Variants in HIBADH observed in about 807,000 individuals in gnomAD.
HIBADH encodes 3-hydroxyisobutyrate dehydrogenase, also known as 3-hydroxyisobutyrate dehydrogenase, mitochondrial.
Under a neutral mutation model 36.1 loss-of-function variants are expected in HIBADH, and 25 were observed. That is an observed-to-expected ratio of 0.69 (90% CI 0.50 to 0.97). The LOEUF is 0.97. HIBADH is among the 50% of genes least tolerant of loss of function. The pLI is 0.00. For missense variants in HIBADH, 421 were observed against 418.0 expected (o/e 1.01, Z -0.06); for synonymous variants, 160 against 149.5 (o/e 1.07, Z -0.51).
At chr7:27,607,310 C>A (rs1785246197) in intron 4 of HIBADH, among the ~76,000 whole-genome samples, 1 of 152,112 alleles carries the variant, frequency 6.6e-6, no homozygotes. Flanking sequence ...GAGTTCGAGG[C>A]CAGCCTGGCC....
chr7:27,535,820 T>C (rs1422099874), intron 6 of HIBADH, among the ~76,000 whole-genome samples: 4 of 152,044 alleles, frequency 2.6e-5, no homozygotes, highest in Admixed American at 1.3e-4. Context: ...TAAAAGAGCA[T>C]AGGGTCAATA....
Position 27,658,720 on chromosome 7 carries a change from T to C in HIBADH, c.91+3978A>G, listed in dbSNP as rs533514039. ...TTGCATGGACTTTCAGTCTTTTGAC[T>C]GCATTTTTCATTATATCATAAGGTT... is the stretch of plus-strand genomic sequence containing the variant. On this transcript the variant is annotated intron_variant, in intron 1 of 7. Transcript: ENST00000265395. 1.1e-3 allele frequency among the ~76,000 whole-genome samples: 161 copies of C among 152,348 alleles called. No individual in the cohort carries two copies. In the South Asian group the frequency reaches 0.014, roughly 14 times the overall value.
At chr7:27,628,894 C>A (rs1369815969) in intron 4 of HIBADH, among the ~76,000 whole-genome samples, 1 of 152,050 alleles carries the variant, frequency 6.6e-6, no homozygotes, top group Non-Finnish European at 1.5e-5. Flanking sequence ...AGTATTTCCT[C>A]TTTTCCTGTT....
At chr7:27,535,259 C>A (rs1784057181) in intron 6 of HIBADH, among the ~76,000 whole-genome samples, 1 of 151,764 alleles carries the variant, frequency 6.6e-6, no homozygotes, top group African/African-American at 2.4e-5. Context: ...TGGCCATTTA[C>A]AAATTACAAA....
intron 4 of HIBADH, among the ~76,000 whole-genome samples, chr7:27,563,975 T>G (rs578170252): frequency 6.7e-6 from 1 of 149,386 alleles, no homozygotes; most frequent in South Asian, 2.1e-4. Flanking sequence ...CTCGGCTCAC[T>G]GTAAGCTCTG....
chr7:27,612,418 C>T (rs1045429809), intron 4 of HIBADH, among the ~76,000 whole-genome samples: 7 of 151,534 alleles, frequency 4.6e-5, no homozygotes, highest in African/African-American at 1.2e-4. Context: ...CTCTGCCTCC[C>T]GGGTTCAAAC....
rs73075129 is a variant in HIBADH, at chr7:27,648,900, T to A, written c.252+573A>T. Among the ~76,000 whole-genome samples the A allele has an allele frequency of 8.8e-3, 1,342 of 152,288 alleles. 10 individuals carry two copies. The highest frequency in any genetic ancestry group is 0.024 in the South Asian group (114 of 4,826). ...CTGGTTTATGGCCAATAACTAATAATTATTCACAAAGTGCTGCCATATGAT... is the reference window on the plus strand; with the variant it reads ...CTGGTTTATGGCCAATAACTAATAAATATTCACAAAGTGCTGCCATATGAT... On this transcript the variant is annotated intron_variant, in intron 2 of 7. Coordinates refer to ENST00000265395, the MANE Select transcript of HIBADH (RefSeq NM_152740.4).
At chr7:27,530,933 CACACACACACACACGCACACACAT>C (rs1057404269) in intron 7 of HIBADH, among the ~76,000 whole-genome samples, 1 of 150,782 alleles carries the variant, frequency 6.6e-6, no homozygotes, top group East Asian at 1.9e-4. Context: ...CCCAAGTGCG[CACACACACACACACGCACACACAT>C]ACACACACAC....
intron 4 of HIBADH, among the ~76,000 whole-genome samples, chr7:27,547,309 T>C (rs887653093): frequency 2.6e-5 from 4 of 152,206 alleles, no homozygotes; most frequent in Non-Finnish European, 4.4e-5. Context: ...AAAATTCACC[T>C]CTTCAGAGAG....
chr7:27,621,017 A>C (rs535731282), intron 4 of HIBADH, among the ~76,000 whole-genome samples: 57 of 152,288 alleles, frequency 3.7e-4, no homozygotes, highest in African/African-American at 1.3e-3. Flanking sequence ...TACACAGCTA[A>C]AGTAAAAGAA....
At chr7:27,650,460 T>TTTTATTTATTTA (rs148153152) in intron 1 of HIBADH, among the ~76,000 whole-genome samples, 4 of 140,184 alleles carry the variant, frequency 2.9e-5, no homozygotes, top group African/African-American at 5.2e-5. Flanking sequence ...CTTATTATAT[T>TTTTATTTATTTA]TTTATTTATT....
At chr7:27,634,979 G>T (rs949761859) in intron 2 of HIBADH, among the ~76,000 whole-genome samples, 3 of 152,158 alleles carry the variant, frequency 2.0e-5, no homozygotes, top group Non-Finnish European at 4.4e-5. Context: ...CACAGGCCCG[G>T]AAGAAATACA....
At chr7:27,609,076 A>G (rs1019793578) in intron 4 of HIBADH, among the ~76,000 whole-genome samples, 8 of 152,370 alleles carry the variant, frequency 5.3e-5, no homozygotes, top group Non-Finnish European at 1.2e-4. Flanking sequence ...TTTTAGAAAT[A>G]AAGTAGCTTG....
At chr7:27,650,292 A>AC (rs1410900767) in intron 1 of HIBADH, among the ~76,000 whole-genome samples, 5 of 150,308 alleles carry the variant, frequency 3.3e-5, no homozygotes, top group Non-Finnish European at 4.4e-5. Context: ...AAAAAAAAAA[A>AC]CTCAAAAAGA....
At chr7:27,605,534 T>A (rs1467260755) in intron 4 of HIBADH, among the ~76,000 whole-genome samples, 1 of 120,436 alleles carries the variant, frequency 8.3e-6, no homozygotes, top group East Asian at 2.5e-4. Flanking sequence ...GGATTTGAAA[T>A]ATTTGTGAGA....
chr7:27,572,349 C>T (rs926942046), intron 4 of HIBADH, among the ~76,000 whole-genome samples: 1 of 152,104 alleles, frequency 6.6e-6, no homozygotes, highest in Admixed American at 6.5e-5. Context: ...TTTTAATATA[C>T]CTAGTCTACC....
intron 3 of HIBADH, among the ~76,000 whole-genome samples, chr7:27,630,288 C>T (rs1183680670): frequency 2.0e-5 from 3 of 152,070 alleles, no homozygotes; most frequent in Non-Finnish European, 2.9e-5. Flanking sequence ...AGGTGCATGC[C>T]ACCATACCCG....
chr7:27,590,275 C>G (rs956183223), intron 4 of HIBADH, among the ~76,000 whole-genome samples: 1 of 152,070 alleles, frequency 6.6e-6, no homozygotes, highest in African/African-American at 2.4e-5. Context: ...AGTTAATTTG[C>G]CCAAAGTCAC....
At chr7:27,656,105 G>GAGCCATTGTGAAATGGTGTTAC (rs1786299318) in intron 1 of HIBADH, among the ~76,000 whole-genome samples, 5 of 152,102 alleles carry the variant, frequency 3.3e-5, no homozygotes, top group African/African-American at 1.2e-4. Context: ...TCAGCTTTGT[G>GAGCCATTGTGAAATGGTGTTAC]AGCCATTGTG....
Sources: allele counts gnomAD v4.1 joint callset (sites outside exome capture counted in the v4.1 genomes callset), GRCh38; gene constraint gnomAD v4.1.1; transcripts MANE v1.5; gene names NCBI Gene and HGNC (gene_info 2026-07-23, HGNC 2026-07-21).